CCDC3: variants seen among roughly 807,000 people sequenced by gnomAD.
CCDC3 encodes the protein coiled-coil domain containing 3.
A neutral mutation model predicts 21.4 loss-of-function variants in CCDC3; 24 were observed. The ratio of observed to expected loss-of-function variants is 1.12; its 90% CI spans 0.81 to 1.58. The LOEUF (loss-of-function observed/expected upper bound fraction) is 1.58. Among genes scored for constraint, CCDC3 ranks in the 40% most tolerant of loss-of-function variants. The pLI is 0.00. For synonymous variants in CCDC3, 186 were observed against 166.0 expected (o/e 1.12, Z -0.93); for missense variants, 425 against 360.9 (o/e 1.18, Z -1.44).
At chr10:13,033,478 A>C (rs930916478) in intron 5 of CCDC3, among the ~76,000 whole-genome samples, 2 of 152,202 alleles carry the variant, frequency 1.3e-5, no homozygotes, top group Non-Finnish European at 2.9e-5. Flanking sequence ...AACAAAAGAC[A>C]AAATTGACAA....
intron 4 of CCDC3, among the ~76,000 whole-genome samples, chr10:13,052,938 T>TCACACA (rs56261341): frequency 0.012 from 1,604 of 134,388 alleles, 11 homozygotes; most frequent in Non-Finnish European, 0.016. Context: ...TGAGACTCTG[T>TCACACA]CACACACACA....
chr10:12,927,638 A>C (rs898032930), intron 2 of CCDC3, among the ~76,000 whole-genome samples: 2 of 152,234 alleles, frequency 1.3e-5, no homozygotes, highest in African/African-American at 4.8e-5. Flanking sequence ...ATAATGACCA[A>C]TATGAAAATA....
chr10:13,059,144 G>C (rs1165657734), intron 4 of CCDC3, among the ~76,000 whole-genome samples: 1 of 152,166 alleles, frequency 6.6e-6, no homozygotes, highest in Non-Finnish European at 1.5e-5. Flanking sequence ...ACTTCGTAAG[G>C]GTGATGCTAA....
At chr10:12,986,701 A>C (rs938658317) in intron 2 of CCDC3, among the ~76,000 whole-genome samples, 3 of 151,152 alleles carry the variant, frequency 2.0e-5, no homozygotes, top group Non-Finnish European at 2.9e-5. Flanking sequence ...GTGACGCGGG[A>C]GGCGGAGCTT....
At chr10:13,094,939 C>T (rs12358241) in intron 3 of CCDC3, among the ~76,000 whole-genome samples, 217 of 152,202 alleles carry the variant, frequency 1.4e-3, no homozygotes, top group Middle Eastern at 0.014. Flanking sequence ...ACAGGCTTGT[C>T]TCAAAGCAGA....
intron 2 of CCDC3, among the ~76,000 whole-genome samples, chr10:12,907,462 T>C (rs1014644272): frequency 1.3e-5 from 2 of 152,086 alleles, no homozygotes; most frequent in Non-Finnish European, 2.9e-5. Flanking sequence ...CTGGCCAACA[T>C]GGCAAAACCC....
chr10:12,927,241 G>A (rs969624092), intron 2 of CCDC3, among the ~76,000 whole-genome samples: 4 of 152,060 alleles, frequency 2.6e-5, no homozygotes, highest in African/African-American at 4.8e-5. Flanking sequence ...TCATCTATCT[G>A]CTGGCCCTTC....
intron 2 of CCDC3, among the ~76,000 whole-genome samples, chr10:12,943,274 A>AC (rs202106167): frequency 0.024 from 3,669 of 151,844 alleles, 77 homozygotes; most frequent in Non-Finnish European, 0.039. Flanking sequence ...AATTCTAAGC[A>AC]CCCCCCCGCA....
intron 4 of CCDC3, among the ~76,000 whole-genome samples, chr10:13,064,227 A>G (rs1451870967): frequency 6.6e-6 from 1 of 152,188 alleles, no homozygotes; most frequent in African/African-American, 2.4e-5. Context: ...CCCGGCCAGC[A>G]TGGGTTTTAA....
At chr10:12,986,525 A>G (rs948687636) in intron 2 of CCDC3, among the ~76,000 whole-genome samples, 2 of 152,260 alleles carry the variant, frequency 1.3e-5, no homozygotes, top group East Asian at 1.9e-4. Context: ...CTGTAATCCC[A>G]GCACTTTGGG....
chr10:12,899,835 G>A (rs1329156520), intron 2 of CCDC3, among the ~76,000 whole-genome samples: 7 of 152,190 alleles, frequency 4.6e-5, no homozygotes, highest in African/African-American at 1.7e-4. Flanking sequence ...GGAAGAAGAA[G>A]ATTCATTTTC....
chr10:12,984,253 G>A (rs771580383), intron 2 of CCDC3, among the ~76,000 whole-genome samples: 23 of 152,204 alleles, frequency 1.5e-4, no homozygotes, highest in Non-Finnish European at 2.8e-4. Flanking sequence ...GACTTGAATA[G>A]ACGTTTCTCC....
At chr10:13,097,482 G>A (rs1282421680) in intron 3 of CCDC3, among the ~76,000 whole-genome samples, 1 of 152,192 alleles carries the variant, frequency 6.6e-6, no homozygotes, top group Non-Finnish European at 1.5e-5. Flanking sequence ...CCAGCACTTT[G>A]GAAGGCCGAG....
chr10:13,095,507 C>T (rs76521130), intron 3 of CCDC3, among the ~76,000 whole-genome samples: 1,962 of 152,328 alleles, frequency 0.013, 51 homozygotes, highest in African/African-American at 0.045. Context: ...AAGAAGCACG[C>T]AACCTAGATC....
chr10:13,031,796 A>G (rs191299121), intron 5 of CCDC3, among the ~76,000 whole-genome samples: 48 of 152,364 alleles, frequency 3.2e-4, no homozygotes, highest in African/African-American at 9.6e-4. Flanking sequence ...ACCAGGAAGA[A>G]GTTGAATCCC....
intron 2 of CCDC3, among the ~76,000 whole-genome samples, chr10:12,977,886 T>G (rs955241542): frequency 6.6e-6 from 1 of 152,218 alleles, no homozygotes; most frequent in Non-Finnish European, 1.5e-5. Flanking sequence ...ATAGGTTGAA[T>G]CTTCCTCCAG....
At chr10:12,932,024 T>C (rs1202194930) in intron 2 of CCDC3, among the ~76,000 whole-genome samples, 2 of 152,254 alleles carry the variant, frequency 1.3e-5, no homozygotes, top group Non-Finnish European at 2.9e-5. Context: ...TCCCCTCCTA[T>C]GGATGTCCTG....
upstream of CCDC3, chr10:13,099,772 C>T (rs1302884128): frequency 6.6e-6 from 1 of 152,150 alleles, no homozygotes; most frequent in Non-Finnish European, 1.5e-5. Context: ...TCTCCTCTTT[C>T]TGTGGGCGGC....
At chr10:13,012,753 A>C (rs1255522907) in intron 5 of CCDC3, among the ~76,000 whole-genome samples, 1 of 152,178 alleles carries the variant, frequency 6.6e-6, no homozygotes, top group East Asian at 1.9e-4. Flanking sequence ...CCTGGGGGAC[A>C]GAGTGAGACT....
Sources: gnomAD v4.1 joint callset for allele counts (sites outside exome capture counted in the v4.1 genomes callset) on GRCh38, gnomAD v4.1.1 for gene constraint, MANE v1.5 for transcripts, NCBI Gene and HGNC (gene_info 2026-07-23, HGNC 2026-07-21) for gene names.